INTU: variants seen among roughly 807,000 people sequenced by gnomAD.
The protein encoded by INTU is inturned planar cell polarity protein.
A neutral mutation model predicts 100.5 loss-of-function variants in INTU; 68 were observed. That is an observed-to-expected ratio of 0.68 (90% CI 0.56 to 0.83). INTU has a LOEUF of 0.83. Among genes scored for constraint, INTU ranks in the 40% least tolerant of loss-of-function variants. The pLI is 0.00. For missense variants in INTU, 1,071 were observed against 1,114.7 expected, an observed-to-expected ratio of 0.96 and a Z score of 0.56; for synonymous variants, 357 against 395.7, an observed-to-expected ratio of 0.90 and a Z score of 1.16.
intron 5 of INTU, among the ~76,000 whole-genome samples, chr4:127,672,921 G>A (rs1728999495): frequency 6.6e-6 from 1 of 152,134 alleles, no homozygotes; most frequent in Non-Finnish European, 1.5e-5. Flanking sequence ...CTGAACATAT[G>A]TAAAATGTAC....
At chr4:127,685,716 T>C (rs1451834693) in intron 7 of INTU, 4 of 224,094 alleles carry the variant, frequency 1.8e-5, no homozygotes, top group Non-Finnish European at 3.6e-5. Context: ...TATTTTGCCC[T>C]AATTGAAGCT....
chr4:127,658,782 A>T (rs1415085447), intron 3 of INTU, among the ~76,000 whole-genome samples: 1 of 152,210 alleles, frequency 6.6e-6, no homozygotes, highest in East Asian at 1.9e-4. Flanking sequence ...ATTTTGGACC[A>T]GTTCCATCCA....
chr4:127,716,484 T>C lies in INTU; in HGVS notation c.*48T>C. ...AACACGTGCATGGAGGATCAAACAC[T>C]GTCAGAATTGCTGAAATCAATACAC... is the stretch of plus-strand genomic sequence containing the variant. On this transcript the variant is annotated 3_prime_UTR_variant, in exon 16 of 16. Coordinates refer to ENST00000335251, the MANE Select transcript of INTU (RefSeq NM_015693.4). 1.2e-6 allele frequency: 1 copy of C among 800,544 alleles called. No homozygotes were observed. The highest frequency in any genetic ancestry group is 2.0e-6 in the Non-Finnish European group (1 of 511,168). 49.6% of individuals were successfully genotyped at this position (800,544 alleles called of 1,614,324 possible). A position where few individuals can be genotyped will look rare whatever the true frequency, so the allele number is the denominator to read the frequency against.
chr4:127,715,015 C>T (rs1305249370), intron 15 of INTU, among the ~76,000 whole-genome samples: 1 of 151,668 alleles, frequency 6.6e-6, no homozygotes, highest in Admixed American at 6.6e-5. Context: ...ATTTATATAT[C>T]TATATTTATA....
intron 2 of INTU, among the ~76,000 whole-genome samples, chr4:127,651,859 T>C (rs1322631810): frequency 4.0e-5 from 6 of 151,618 alleles, no homozygotes; most frequent in Non-Finnish European, 8.8e-5. Context: ...GAGCATGGAA[T>C]GTTCTTCCAT....
At chr4:127,669,238 T>C in intron 5 of INTU, 84 bp downstream of exon 5, 1 of 628,418 alleles carries the variant, frequency 1.6e-6, no homozygotes, top group Non-Finnish European at 2.8e-6. Flanking sequence ...AAGTATCTGG[T>C]ATACAAATAT....
At chr4:127,684,578 GTTAT>G (rs1268409631) in intron 7 of INTU, 92 bp downstream of exon 7, 20 of 694,738 alleles carry the variant, frequency 2.9e-5, no homozygotes, top group South Asian at 9.8e-5. Flanking sequence ...TGACAGGTTA[GTTAT>G]TTGTCTCTTT....
At position 127,719,836 on chromosome 4, in the gene INTU, A is replaced by G. The variant is rs983447277; in HGVS notation, c.*3400A>G. On this transcript the variant is annotated 3_prime_UTR_variant, in exon 16 of 16. Coordinates refer to ENST00000335251, the MANE Select transcript of INTU (RefSeq NM_015693.4). ...TGGGATCAGTGGTAATATCCCCTTT[A>G]TCATTTTTTATTGTGTCTATTTGGT... The G allele has an allele frequency of 6.6e-6, 1 of 151,754 alleles. No individual in the cohort carries two copies. Among genetic ancestry groups the G allele is most frequent in the African/African-American group, 2.4e-5 (1 of 41,292 alleles). The allele number at this position is 151,754 out of a possible 1,614,324, so 9.4% of individuals were successfully genotyped here. A position where few individuals can be genotyped will look rare whatever the true frequency, so the allele number is the denominator to read the frequency against.
chr4:127,715,016 T>C (rs1229045756), intron 15 of INTU, among the ~76,000 whole-genome samples: 3 of 152,034 alleles, frequency 2.0e-5, no homozygotes, highest in African/African-American at 7.2e-5. Context: ...TTTATATATC[T>C]ATATTTATAG....
intron 6 of INTU, among the ~76,000 whole-genome samples, chr4:127,677,166 G>A (rs1729248714): frequency 6.6e-6 from 1 of 152,192 alleles, no homozygotes; most frequent in Non-Finnish European, 1.5e-5. Context: ...CCACCTCTGG[G>A]GGCAGGGCAC....
At chr4:127,705,874 G>A (rs1032284875) in intron 11 of INTU, 62 bp downstream of exon 11, 13 of 1,381,106 alleles carry the variant, frequency 9.4e-6, no homozygotes, top group Middle Eastern at 1.8e-4. Context: ...TTTTCTTTTC[G>A]GCAGGGGTTG....
intron 14 of INTU, among the ~76,000 whole-genome samples, chr4:127,712,379 A>G (rs1399642446): frequency 6.6e-6 from 1 of 152,092 alleles, no homozygotes; most frequent in African/African-American, 2.4e-5. Flanking sequence ...TTTTAACATT[A>G]ACTGATAAAT....
intron 2 of INTU, among the ~76,000 whole-genome samples, chr4:127,645,610 G>T (rs1727545175): frequency 6.6e-6 from 1 of 151,832 alleles, no homozygotes; most frequent in African/African-American, 2.4e-5. Flanking sequence ...ACTCAGGCTA[G>T]AGTGCAATGG....
At position 127,684,917 on chromosome 4, in the gene INTU, A is replaced by G. The variant is rs966620073; in HGVS notation, c.1259+431A>G. 4.6e-5 allele frequency among the ~76,000 whole-genome samples: 7 copies of G among 152,136 alleles called. No individual in the cohort carries two copies. In the East Asian group the frequency reaches 1.4e-3, roughly 29 times the overall value. ...GGGGCAAATGTAAGAGTATTTCTTC[A>G]TAACAGATACAGAAAAGAGAAAGAC... On this transcript the variant is annotated intron_variant, in intron 7 of 15. Transcript: ENST00000335251.
intron 5 of INTU, among the ~76,000 whole-genome samples, chr4:127,670,485 CTATTT>C (rs1161382714): frequency 6.6e-6 from 1 of 151,874 alleles, no homozygotes; most frequent in African/African-American, 2.4e-5. Flanking sequence ...ACTGGAGGCT[CTATTT>C]AGTTTATAAA....
At chr4:127,707,530 A>G (rs891384447) in intron 12 of INTU, among the ~76,000 whole-genome samples, 11 of 152,130 alleles carry the variant, frequency 7.2e-5, no homozygotes, top group Non-Finnish European at 1.3e-4. Flanking sequence ...CCTATTTGCA[A>G]TGACAACAGA....
intron 1 of INTU, 44 bp from the exon 2 acceptor site, chr4:127,643,477 A>G (rs372588887): frequency 6.7e-7 from 1 of 1,488,496 alleles, no homozygotes; most frequent in African/African-American, 1.4e-5. Context: ...CCTTTCTTTT[A>G]TATATTGGGC....
intron 6 of INTU, among the ~76,000 whole-genome samples, chr4:127,678,842 G>A (rs1485056106): frequency 6.6e-6 from 1 of 152,036 alleles, no homozygotes; most frequent in East Asian, 1.9e-4. Flanking sequence ...TCAGTGTGCT[G>A]TATTCAGGAA....
chr4:127,719,902 A>G lies in INTU; in HGVS notation c.*3466A>G, dbSNP rs894253024. The G allele has an allele frequency of 1.1e-4, 17 of 150,940 alleles. No homozygotes were observed. The highest frequency in any genetic ancestry group is 2.7e-4 in the African/African-American group (11 of 41,162). The allele number at this position is 150,940 out of a possible 1,614,324, so 9.4% of individuals were successfully genotyped here. Reference sequence around the variant, plus strand: ...TCTTTATTAGTCTAGCTAATAGTCTATTTTGTTAATATTTTCAAAAAAAAG... The same window carrying G: ...TCTTTATTAGTCTAGCTAATAGTCTGTTTTGTTAATATTTTCAAAAAAAAG... On this transcript the variant is annotated 3_prime_UTR_variant, in exon 16 of 16. Transcript: ENST00000335251.
Sources: gnomAD v4.1 joint callset for allele counts (sites outside exome capture counted in the v4.1 genomes callset) on GRCh38, gnomAD v4.1.1 for gene constraint, MANE v1.5 for transcripts, NCBI Gene and HGNC (gene_info 2026-07-23, HGNC 2026-07-21) for gene names.